The following SLC1A4 variants were observed in gnomAD, a reference collection of about 807,000 sequenced individuals.
The protein encoded by SLC1A4 is solute carrier family 1 member 4.
SLC1A4 carries 19 observed loss-of-function variants against 37.7 expected under a neutral mutation model. The ratio of observed to expected loss-of-function variants is 0.50; its 90% CI spans 0.35 to 0.74. The LOEUF is 0.74. Among genes scored for constraint, SLC1A4 ranks in the 30% least tolerant of loss-of-function variants. The probability of loss-of-function intolerance (pLI) is 0.01; values close to 1 mark genes in which losing one functional copy is unlikely to be tolerated. For synonymous variants in SLC1A4, 299 were observed against 309.8 expected, an observed-to-expected ratio of 0.97 and a Z score of 0.37; for missense variants, 570 against 712.9, an observed-to-expected ratio of 0.80 and a Z score of 2.28.
chr2:64,991,981 G>T (rs1050941563), intron 1 of SLC1A4, among the ~76,000 whole-genome samples: 2 of 152,198 alleles, frequency 1.3e-5, no homozygotes, highest in African/African-American at 4.8e-5. Flanking sequence ...CCTTTGTTCT[G>T]TGACTGGCAG....
chr2:65,009,714 A>G (rs1673836846), intron 3 of SLC1A4, among the ~76,000 whole-genome samples: 1 of 152,262 alleles, frequency 6.6e-6, no homozygotes, highest in Non-Finnish European at 1.5e-5. Flanking sequence ...ATATGCTTGC[A>G]GTAAGGAGAT....
intron 7 of SLC1A4, among the ~76,000 whole-genome samples, chr2:65,019,175 ATC>A (rs1178739921): frequency 6.6e-6 from 1 of 152,160 alleles, no homozygotes; most frequent in African/African-American, 2.4e-5. Context: ...TCCAGACCAC[ATC>A]TCTGGGGCTG....
chr2:64,999,362 G>T (rs951090288), intron 1 of SLC1A4: 2 of 152,212 alleles, frequency 1.3e-5, no homozygotes, highest in Admixed American at 6.5e-5. Context: ...ATGCTGTGTT[G>T]CAGGCTGTGT....
intron 7 of SLC1A4, among the ~76,000 whole-genome samples, chr2:65,019,822 T>C (rs889327042): frequency 6.6e-6 from 1 of 152,162 alleles, no homozygotes; most frequent in African/African-American, 2.4e-5. Flanking sequence ...AAGAGGTGCT[T>C]GGCCAGGAAC....
Position 65,018,319 on chromosome 2 carries a change from C to T in SLC1A4, c.1229+54C>T. On this transcript the variant is annotated intron_variant, in intron 6 of 7. Transcript: ENST00000234256. This position sits in a 1 kb window ranked among gnomAD's most constrained non-coding sequence, Gnocchi z 4.3. The stretch of plus-strand genomic sequence containing the variant: ...AAACTGAAGGCTTTTCTTGTGATTT[C>T]CTTTGAAAAACCAATCTCACCACAA... The T allele has an allele frequency of 6.4e-7, 1 of 1,569,898 alleles. No individual in the cohort carries two copies. The highest frequency in any genetic ancestry group is 1.1e-5 in the South Asian group (1 of 88,250).
At chr2:65,004,748 T>C (rs1673612946) in intron 3 of SLC1A4, among the ~76,000 whole-genome samples, 1 of 152,114 alleles carries the variant, frequency 6.6e-6, no homozygotes, top group Non-Finnish European at 1.5e-5. Flanking sequence ...AATATACAAC[T>C]CTACTAGAAG....
rs1673477749 is a variant in SLC1A4 at position 65,001,983 on chromosome 2, A to T, written c.570+493A>T. 2.0e-5 allele frequency among the ~76,000 whole-genome samples: 3 copies of T among 152,326 alleles called. No individual in the cohort carries two copies. In the South Asian group the frequency reaches 6.2e-4, roughly 32 times the overall value. On this transcript the variant is annotated intron_variant, in intron 2 of 7. Transcript: ENST00000234256. ...CTATGCGTGTATACACATACATTTT[A>T]AAAATAAGCATACAGGCTGGGCGCA...
rs763947992 is a variant in SLC1A4 at position 64,989,880 on chromosome 2, C to A, written c.237C>A (p.Gly79=). ...AGGTCACCTACCTGGCCTTCCCCGG[C>A]GAGATGCTGCTCCGCATGCTGCGCA... is the stretch of plus-strand genomic sequence containing the variant. The part of the protein sequence containing the change: ...RTQVTYLAFP[G]EMLLRMLRMI... Residue 79 remains glycine (G), a synonymous_variant, in exon 1 of 8, where the codon GGC becomes GGA. Transcript: ENST00000234256. The A allele has an allele frequency of 3.9e-6, 6 of 1,545,330 alleles. No homozygotes were observed. Among genetic ancestry groups the A allele is most frequent in the Admixed American group, 1.9e-5 (1 of 51,754 alleles).
chr2:65,003,626 T>C (rs1251597335), intron 2 of SLC1A4, among the ~76,000 whole-genome samples: 1 of 152,228 alleles, frequency 6.6e-6, no homozygotes, highest in Non-Finnish European at 1.5e-5. Context: ...ATATGACATA[T>C]AAGGCTGAGG....
chr2:64,997,527 T>G (rs1673301042), intron 1 of SLC1A4, among the ~76,000 whole-genome samples: 1 of 152,208 alleles, frequency 6.6e-6, no homozygotes, highest in Non-Finnish European at 1.5e-5. Flanking sequence ...ATAAATTAGT[T>G]TGGCTTTTTC....
chr2:64,989,795 G>A lies in SLC1A4; in HGVS notation c.152G>A (p.Gly51Glu). Residue 51 changes from glycine to glutamate, a missense_variant, in exon 1 of 8, where the codon GGG becomes GAG. By Grantham distance (98) the Gly-to-Glu change is moderately conservative (BLOSUM62 -2). Transcript: ENST00000234256. ...RQALVLLTVS[G>E]VLAGAGLGAA... ...GCGCTGGTGCTGCTCACCGTGTCCG[G>A]GGTGCTGGCGGGCGCGGGCCTGGGC... is the stretch of plus-strand genomic sequence containing the variant. 2 of 1,515,632 alleles carry A rather than the reference G, an allele frequency of 1.3e-6. No homozygotes were observed. The highest frequency in any genetic ancestry group is 2.5e-5 in the East Asian group (1 of 39,270). 93.9% of individuals were successfully genotyped at this position (1,515,632 alleles called of 1,614,324 possible). A position where few individuals can be genotyped will look rare whatever the true frequency, so the allele number is the denominator to read the frequency against.
chr2:65,016,002 A>G (rs778821686), intron 4 of SLC1A4, among the ~76,000 whole-genome samples: 7 of 152,214 alleles, frequency 4.6e-5, no homozygotes, highest in Non-Finnish European at 1.0e-4. Flanking sequence ...GCTTTGGCTC[A>G]ATTTTCTATC....
intron 2 of SLC1A4, among the ~76,000 whole-genome samples, chr2:65,003,639 A>C (rs1673561959): frequency 6.6e-6 from 1 of 152,250 alleles, no homozygotes; most frequent in Non-Finnish European, 1.5e-5. Context: ...GGCTGAGGAA[A>C]TATCAAATTA....
Position 65,018,175 on chromosome 2 carries a change from A to G in SLC1A4, c.1139A>G (p.Asp380Gly), listed in dbSNP as rs373918921. The change falls in exon 6 of 8, where the codon GAC becomes GGC. Residue 380 changes from aspartate to glycine, a missense_variant. Physicochemically the swap from Asp to Gly is moderately conservative, Grantham distance 94. Coordinates refer to ENST00000234256, the MANE Select transcript of SLC1A4 (RefSeq NM_003038.5). This position sits in a 1 kb window ranked among gnomAD's most constrained non-coding sequence, Gnocchi z 4.3. The stretch of plus-strand genomic sequence containing the variant: ...CCCATCGGGGCCACCGTGAACATGG[A>G]CGGAGCAGCCATCTTCCAGTGTGTG... ...ILPIGATVNM[D>G]GAAIFQCVAA... 1 of 1,614,054 alleles carries G rather than the reference A, an allele frequency of 6.2e-7. No homozygotes were observed. The highest frequency in any genetic ancestry group is 8.5e-7 in the Non-Finnish European group (1 of 1,180,028).
chr2:64,989,740 C>A lies in SLC1A4; in HGVS notation c.97C>A (p.Arg33=), dbSNP rs768608182. ...GAPGTAAGRA[R]RCAGFLRRQA... ...TCCGGGGACCGCGGCGGGACGCGCA[C>A]GGCGTTGCGCGGGCTTCCTGCGGCG... The change falls in exon 1 of 8, where the codon CGG becomes AGG. Residue 33 remains arginine (R), a synonymous_variant. Coordinates refer to ENST00000234256, the MANE Select transcript of SLC1A4 (RefSeq NM_003038.5). The A allele has an allele frequency of 1.4e-6, 2 of 1,441,572 alleles. No homozygotes were observed. Among genetic ancestry groups the A allele is most frequent in the South Asian group, 2.9e-5 (2 of 68,846 alleles). 89.3% of individuals were successfully genotyped at this position (1,441,572 alleles called of 1,614,324 possible).
intron 3 of SLC1A4, among the ~76,000 whole-genome samples, chr2:65,007,110 C>T (rs958334067): frequency 2.0e-5 from 3 of 152,172 alleles, no homozygotes; most frequent in Non-Finnish European, 4.4e-5. Flanking sequence ...GGTGCCCTTC[C>T]CAGGTGCTGG....
chr2:65,004,606 C>T (rs563614492), intron 3 of SLC1A4, among the ~76,000 whole-genome samples: 1 of 152,070 alleles, frequency 6.6e-6, no homozygotes, highest in South Asian at 2.1e-4. Flanking sequence ...TTTTATAAAA[C>T]CTTTTCTGCC....
chr2:65,002,207 G>A (rs1202222172), intron 2 of SLC1A4, among the ~76,000 whole-genome samples: 2 of 147,916 alleles, frequency 1.4e-5, no homozygotes, highest in Non-Finnish European at 3.0e-5. Context: ...TCGAACCTGG[G>A]AGTTGGAGGT....
At chr2:65,014,617 T>A (rs1674052397) in intron 4 of SLC1A4, among the ~76,000 whole-genome samples, 1 of 152,242 alleles carries the variant, frequency 6.6e-6, no homozygotes, top group South Asian at 2.1e-4. Flanking sequence ...GAACCACTGT[T>A]GCAGAGGGAA....
Sources: allele counts gnomAD v4.1 joint callset (sites outside exome capture counted in the v4.1 genomes callset), GRCh38; gene constraint gnomAD v4.1.1; non-coding constraint Gnocchi (gnomAD v3.1); transcripts MANE v1.5; gene names NCBI Gene and HGNC (gene_info 2026-07-23, HGNC 2026-07-21).